PRDM5: variants seen among roughly 807,000 people sequenced by gnomAD.
PRDM5 encodes the protein PR/SET domain 5.
PRDM5 carries 56 observed loss-of-function variants against 81.2 expected under a neutral mutation model. The observed-to-expected ratio is 0.69, with a 90% confidence interval of 0.56 to 0.86. The LOEUF (loss-of-function observed/expected upper bound fraction) is 0.86. Among genes scored for constraint, PRDM5 ranks in the 40% least tolerant of loss-of-function variants. The probability of loss-of-function intolerance (pLI) is 0.00; values close to 1 mark genes in which losing one functional copy is unlikely to be tolerated. For missense variants in PRDM5, 697 were observed against 770.1 expected (o/e 0.91, Z 1.12); for synonymous variants, 267 against 256.4 (o/e 1.04, Z -0.39).
chr4:120,834,963 T>A (rs1197177328), intron 3 of PRDM5, among the ~76,000 whole-genome samples: 3 of 152,214 alleles, frequency 2.0e-5, no homozygotes, highest in Non-Finnish European at 4.4e-5. Context: ...GCTCTCCCAG[T>A]TCTTCTTCCT....
chr4:120,839,283 AG>A (rs1561448250), intron 3 of PRDM5: 1 of 703,114 alleles, frequency 1.4e-6, no homozygotes, highest in Admixed American at 2.0e-5. Flanking sequence ...TCCTGTGACC[AG>A]GAAAAATGAG....
At chr4:120,892,384 A>G (rs1450821666) in intron 2 of PRDM5, among the ~76,000 whole-genome samples, 1 of 152,066 alleles carries the variant, frequency 6.6e-6, no homozygotes, top group Non-Finnish European at 1.5e-5. Context: ...GTTTTGTCTC[A>G]ATGATCTAAT....
intron 2 of PRDM5, among the ~76,000 whole-genome samples, chr4:120,877,498 G>T (rs908318769): frequency 6.6e-6 from 1 of 152,128 alleles, no homozygotes; most frequent in African/African-American, 2.4e-5. Context: ...GCTGCTAGAA[G>T]AATAATTTAT....
intron 3 of PRDM5, among the ~76,000 whole-genome samples, chr4:120,844,244 C>A (rs149709789): frequency 6.6e-6 from 1 of 151,994 alleles, no homozygotes. Flanking sequence ...AAACTACAAA[C>A]CTGGCAAGGG....
intron 14 of PRDM5, among the ~76,000 whole-genome samples, chr4:120,738,764 A>C (rs1371321669): frequency 6.6e-6 from 1 of 152,214 alleles, no homozygotes; most frequent in African/African-American, 2.4e-5. Flanking sequence ...ATATAGAAGA[A>C]TATTACACAA....
intron 2 of PRDM5, among the ~76,000 whole-genome samples, chr4:120,897,851 T>C (rs1764818200): frequency 1.3e-5 from 2 of 152,228 alleles, no homozygotes; most frequent in Non-Finnish European, 2.9e-5. Flanking sequence ...TCTCATCTTT[T>C]CTTCCATGTG....
chr4:120,764,019 T>G (rs1746016067), intron 13 of PRDM5, among the ~76,000 whole-genome samples: 1 of 151,584 alleles, frequency 6.6e-6, no homozygotes. Context: ...AGAGTTATTC[T>G]TGGTGGAAAA....
At chr4:120,775,167 T>A (rs10857073) in intron 13 of PRDM5, among the ~76,000 whole-genome samples, 1 of 151,222 alleles carries the variant, frequency 6.6e-6, no homozygotes, top group Non-Finnish European at 1.5e-5. Flanking sequence ...GACTCGTGTA[T>A]ACAATAAATA....
chr4:120,882,269 T>C (rs1579099809), intron 2 of PRDM5, among the ~76,000 whole-genome samples: 1 of 152,172 alleles, frequency 6.6e-6, no homozygotes, highest in African/African-American at 2.4e-5. Context: ...TGTCTCAGCT[T>C]CCCGAGTAGA....
chr4:120,841,312 T>C (rs115252779), intron 3 of PRDM5, among the ~76,000 whole-genome samples: 70 of 152,316 alleles, frequency 4.6e-4, no homozygotes, highest in African/African-American at 1.7e-3. Flanking sequence ...AATTCAGTGA[T>C]AGAATGCAGA....
intron 2 of PRDM5, among the ~76,000 whole-genome samples, chr4:120,884,165 T>C (rs1008376230): frequency 1.1e-4 from 17 of 152,266 alleles, no homozygotes; most frequent in Non-Finnish European, 2.1e-4. Flanking sequence ...AGGGATCCCA[T>C]TGGTCTCATA....
At chr4:120,737,402 G>T (rs753146469) in intron 14 of PRDM5, among the ~76,000 whole-genome samples, 7 of 152,222 alleles carry the variant, frequency 4.6e-5, no homozygotes, top group Non-Finnish European at 1.0e-4. Context: ...CAACAAGGAA[G>T]GGCAACTGAG....
chr4:120,715,222 A>C (rs1211231686), intron 14 of PRDM5, among the ~76,000 whole-genome samples: 1 of 152,108 alleles, frequency 6.6e-6, no homozygotes, highest in Admixed American at 6.5e-5. Context: ...TGTTCATTGA[A>C]TCCTGAGGGC....
intron 2 of PRDM5, among the ~76,000 whole-genome samples, chr4:120,905,608 C>T (rs987328329): frequency 3.3e-5 from 5 of 152,174 alleles, no homozygotes; most frequent in Non-Finnish European, 5.9e-5. Context: ...CATCACCTTT[C>T]TGCCTGAGGT....
chr4:120,922,203 T>G (rs1233238257), intron 1 of PRDM5, among the ~76,000 whole-genome samples: 1 of 152,012 alleles, frequency 6.6e-6, no homozygotes, highest in Non-Finnish European at 1.5e-5. Context: ...CCCGCCGCGC[T>G]CACTTCCTGC....
intron 15 of PRDM5, among the ~76,000 whole-genome samples, chr4:120,707,215 T>C (rs1736303642): frequency 6.6e-6 from 1 of 151,848 alleles, no homozygotes; most frequent in Non-Finnish European, 1.5e-5. Flanking sequence ...CAGAGCATAT[T>C]AAAAGGGTTC....
intron 9 of PRDM5, 119 bp from the exon 10 acceptor site, chr4:120,798,543 C>A: frequency 1.2e-6 from 1 of 842,514 alleles, no homozygotes. Flanking sequence ...GGTCAAACAA[C>A]TAAAAAACAT....
intron 2 of PRDM5, among the ~76,000 whole-genome samples, chr4:120,898,900 C>T (rs1453451746): frequency 6.6e-6 from 1 of 152,166 alleles, no homozygotes. Context: ...TGTCTGATAG[C>T]GCTCCTCTTT....
At chr4:120,775,938 G>T (rs970744826) in intron 13 of PRDM5, among the ~76,000 whole-genome samples, 1 of 152,064 alleles carries the variant, frequency 6.6e-6, no homozygotes, top group Non-Finnish European at 1.5e-5. Context: ...CTCTTCATTA[G>T]TTCCTTACTT....
Sources: allele counts gnomAD v4.1 joint callset (sites outside exome capture counted in the v4.1 genomes callset), GRCh38; gene constraint gnomAD v4.1.1; transcripts MANE v1.5; gene names NCBI Gene and HGNC (gene_info 2026-07-23, HGNC 2026-07-21).